Variants in CPA6 observed in about 807,000 individuals in gnomAD.
CPA6 encodes carboxypeptidase B.
In CPA6, 58 loss-of-function variants were observed where a neutral mutation model predicts 63.3. The ratio of observed to expected loss-of-function variants is 0.92; its 90% CI spans 0.74 to 1.14. The LOEUF (loss-of-function observed/expected upper bound fraction) is 1.14, where lower values mean the gene tolerates loss of function less well. Among genes scored for constraint, CPA6 ranks in the 50% most tolerant of loss-of-function variants. The pLI is 0.00. For missense variants in CPA6, 565 were observed against 526.6 expected (o/e 1.07, Z -0.71); for synonymous variants, 185 against 179.0 (o/e 1.03, Z -0.27).
intron 2 of CPA6, among the ~76,000 whole-genome samples, chr8:67,608,375 C>G (rs116203423): frequency 0.019 from 2,872 of 152,310 alleles, 98 homozygotes; most frequent in African/African-American, 0.063. Flanking sequence ...AGAGGAACAT[C>G]TGAACATCGA....
intron 2 of CPA6, among the ~76,000 whole-genome samples, chr8:67,529,786 C>T (rs547003456): frequency 7.2e-5 from 11 of 152,204 alleles, no homozygotes; most frequent in South Asian, 6.2e-4. Context: ...AATAGTGTCA[C>T]GGGGGTGGCC....
intron 1 of CPA6, among the ~76,000 whole-genome samples, chr8:67,628,335 T>C (rs7823371): frequency 0.39 from 59,554 of 152,074 alleles, 13,090 homozygotes; most frequent in African/African-American, 0.61. Flanking sequence ...CTAGGCAACC[T>C]GAAAGTCCTG....
intron 8 of CPA6, among the ~76,000 whole-genome samples, chr8:67,446,195 G>C (rs1810408583): frequency 6.7e-6 from 1 of 150,018 alleles, no homozygotes; most frequent in African/African-American, 2.5e-5. Context: ...GAACCCGGGA[G>C]GCAGAGCTTG....
intron 1 of CPA6, among the ~76,000 whole-genome samples, chr8:67,683,150 C>T (rs1816634208): frequency 6.6e-6 from 1 of 152,182 alleles, no homozygotes; most frequent in South Asian, 2.1e-4. Context: ...GCTTATTCCC[C>T]CTGTGGGATC....
At chr8:67,675,482 C>G (rs1476255239) in intron 1 of CPA6, among the ~76,000 whole-genome samples, 1 of 152,188 alleles carries the variant, frequency 6.6e-6, no homozygotes, top group Non-Finnish European at 1.5e-5. Context: ...TCTTACCACT[C>G]TGGTACCTTG....
At chr8:67,579,475 AATCC>A (rs1813711333) in intron 2 of CPA6, among the ~76,000 whole-genome samples, 1 of 152,216 alleles carries the variant, frequency 6.6e-6, no homozygotes, top group African/African-American at 2.4e-5. Context: ...TCCCCCGACT[AATCC>A]ATCAGATTAT....
intron 1 of CPA6, among the ~76,000 whole-genome samples, chr8:67,695,158 T>C (rs1362029265): frequency 1.3e-5 from 2 of 152,140 alleles, no homozygotes; most frequent in South Asian, 2.1e-4. Context: ...ATTCATTAGA[T>C]GCCACTCAGT....
intron 2 of CPA6, among the ~76,000 whole-genome samples, chr8:67,584,528 T>C (rs764099518): frequency 6.6e-6 from 1 of 152,220 alleles, no homozygotes; most frequent in Non-Finnish European, 1.5e-5. Flanking sequence ...GATATTGTTT[T>C]GTGTTAGAGC....
intron 1 of CPA6, among the ~76,000 whole-genome samples, chr8:67,688,945 A>T (rs1563393928): frequency 6.6e-6 from 1 of 152,080 alleles, no homozygotes; most frequent in Non-Finnish European, 1.5e-5. Flanking sequence ...CGAATATACC[A>T]TCCCATTTGT....
chr8:67,489,580 G>A (rs1811561558), intron 6 of CPA6, among the ~76,000 whole-genome samples: 1 of 151,820 alleles, frequency 6.6e-6, no homozygotes, highest in Non-Finnish European at 1.5e-5. Flanking sequence ...AGATTATTTG[G>A]TATTTGTTGA....
chr8:67,519,266 G>A (rs538197241), intron 2 of CPA6, among the ~76,000 whole-genome samples: 2 of 152,294 alleles, frequency 1.3e-5, no homozygotes, highest in South Asian at 2.1e-4. Flanking sequence ...TGGAAGGGAC[G>A]AGAGCCCTAT....
intron 2 of CPA6, among the ~76,000 whole-genome samples, chr8:67,518,504 CTTTTCT>C (rs1486325832): frequency 4.8e-5 from 6 of 124,368 alleles, no homozygotes; most frequent in African/African-American, 2.0e-4. Context: ...TTTTTCTTTT[CTTTTCT>C]TTTTTTTTTT....
At chr8:67,650,078 A>G (rs1309403135) in intron 1 of CPA6, among the ~76,000 whole-genome samples, 1 of 152,102 alleles carries the variant, frequency 6.6e-6, no homozygotes, top group Non-Finnish European at 1.5e-5. Flanking sequence ...TTAAATTTAT[A>G]TGGGGGCTGT....
intron 2 of CPA6, among the ~76,000 whole-genome samples, chr8:67,562,416 C>A (rs928670135): frequency 2.0e-5 from 3 of 152,118 alleles, no homozygotes; most frequent in Non-Finnish European, 2.9e-5. Context: ...AAGCACACAG[C>A]CAGTATTTGG....
intron 1 of CPA6, among the ~76,000 whole-genome samples, chr8:67,656,132 T>A (rs1434580576): frequency 6.6e-6 from 1 of 152,130 alleles, no homozygotes; most frequent in African/African-American, 2.4e-5. Context: ...TTGCCTCCTT[T>A]GCCCAGACTC....
chr8:67,518,095 A>G (rs566547108), intron 2 of CPA6, 48 bp from the exon 3 acceptor site: 90 of 1,480,438 alleles, frequency 6.1e-5, no homozygotes, highest in South Asian at 1.2e-4. Context: ...GTAGGGGGGG[A>G]AAATCTGTGT....
intron 6 of CPA6, among the ~76,000 whole-genome samples, chr8:67,506,085 A>G (rs1452612464): frequency 1.3e-5 from 2 of 152,110 alleles, no homozygotes; most frequent in African/African-American, 2.4e-5. Flanking sequence ...GAAAGATATT[A>G]CATTCTTGAC....
At chr8:67,653,727 C>T (rs975512948) in intron 1 of CPA6, among the ~76,000 whole-genome samples, 1 of 151,936 alleles carries the variant, frequency 6.6e-6, no homozygotes, top group East Asian at 1.9e-4. Context: ...AATTGAATAC[C>T]CTTTATTTCC....
intron 1 of CPA6, among the ~76,000 whole-genome samples, chr8:67,729,877 G>A (rs748045425): frequency 3.3e-5 from 5 of 152,236 alleles, no homozygotes; most frequent in Admixed American, 1.3e-4. Context: ...AAGTTACAGG[G>A]CTTAGGACTT....
Sources: allele counts gnomAD v4.1 joint callset (sites outside exome capture counted in the v4.1 genomes callset), GRCh38; gene constraint gnomAD v4.1.1; transcripts MANE v1.5; gene names NCBI Gene and HGNC (gene_info 2026-07-23, HGNC 2026-07-21).